NKAIN3: variants seen among roughly 807,000 people sequenced by gnomAD.
The protein encoded by NKAIN3 is sodium/potassium transporting ATPase interacting 3.
NKAIN3 carries 25 observed loss-of-function variants against 30.2 expected under a neutral mutation model. That is an observed-to-expected ratio of 0.83 (90% CI 0.60 to 1.16). The LOEUF is 1.16. Among genes scored for constraint, NKAIN3 ranks in the 50% most tolerant of loss-of-function variants. The pLI, the probability that NKAIN3 is intolerant of heterozygous loss-of-function variation, is 0.00. For synonymous variants in NKAIN3, 91 were observed against 89.6 expected, an observed-to-expected ratio of 1.02 and a Z score of -0.09; for missense variants, 225 against 254.1, an observed-to-expected ratio of 0.89 and a Z score of 0.78.
At chr8:62,548,564 A>G (rs1257021880) in intron 1 of NKAIN3, among the ~76,000 whole-genome samples, 1 of 152,144 alleles carries the variant, frequency 6.6e-6, no homozygotes, top group Non-Finnish European at 1.5e-5. Flanking sequence ...TGCTCAATGA[A>G]TGTTAGTGGA....
chr8:62,445,364 ACAT>A (rs1053222292), intron 1 of NKAIN3, among the ~76,000 whole-genome samples: 6 of 151,698 alleles, frequency 4.0e-5, no homozygotes, highest in Non-Finnish European at 5.9e-5. Context: ...GCCCATTTTA[ACAT>A]CAATTTTCTT....
At chr8:62,332,614 T>C (rs1815392819) in intron 1 of NKAIN3, among the ~76,000 whole-genome samples, 1 of 152,144 alleles carries the variant, frequency 6.6e-6, no homozygotes, top group Non-Finnish European at 1.5e-5. Context: ...GTTAGGTTGC[T>C]TAACTAACCC....
intron 1 of NKAIN3, among the ~76,000 whole-genome samples, chr8:62,396,054 G>A (rs1204948820): frequency 6.6e-6 from 1 of 152,124 alleles, no homozygotes; most frequent in Non-Finnish European, 1.5e-5. Flanking sequence ...TTTTAAAAAT[G>A]TACTACCACA....
chr8:62,659,841 G>T (rs1472182896), intron 3 of NKAIN3, among the ~76,000 whole-genome samples: 1 of 152,140 alleles, frequency 6.6e-6, no homozygotes. Flanking sequence ...TAAGTCTCAT[G>T]ACATCTGATG....
chr8:62,917,081 G>T (rs1355933986), intron 4 of NKAIN3, among the ~76,000 whole-genome samples: 1 of 151,964 alleles, frequency 6.6e-6, no homozygotes, highest in Non-Finnish European at 1.5e-5. Flanking sequence ...GAAGTCCTCT[G>T]GGATGGCTCC....
Position 62,973,279 on chromosome 8 carries a change from T to C in NKAIN3, c.*7872T>C, listed in dbSNP as rs1423511649. Among the ~76,000 whole-genome samples the C allele has an allele frequency of 6.6e-6, 1 of 152,236 alleles. No individual in the cohort carries two copies. The highest frequency in any genetic ancestry group is 1.5e-5 in the Non-Finnish European group (1 of 68,040). ...CCACAATGGTTGAAGTAAATTACAC[T>C]CCCACCAACAGTGTTAAAAGCATTC... On this transcript the variant is annotated 3_prime_UTR_variant, in exon 7 of 7. Transcript: ENST00000623646.
chr8:62,250,106 T>G lies in NKAIN3; in HGVS notation c.54+979T>G, dbSNP rs533931409. Among the ~76,000 whole-genome samples the G allele has an allele frequency of 5.9e-5, 9 of 152,346 alleles. No individual in the cohort carries two copies. The South Asian group carries it at 1.7e-3, about 28-fold the overall frequency. On this transcript the variant is annotated intron_variant, in intron 1 of 6. Transcript: ENST00000623646. ...TTCGAGTCACAAATATAAACTAGTA[T>G]ATTTTGACAAGTGAGAGGAAAAAGC...
intron 3 of NKAIN3, among the ~76,000 whole-genome samples, chr8:62,660,988 T>G (rs1812926877): frequency 6.6e-6 from 1 of 152,228 alleles, no homozygotes; most frequent in South Asian, 2.1e-4. Flanking sequence ...CACTGCAGAA[T>G]GGCAGGGGTT....
At chr8:62,900,583 A>T (rs1158496132) in intron 4 of NKAIN3, among the ~76,000 whole-genome samples, 1 of 152,196 alleles carries the variant, frequency 6.6e-6, no homozygotes, top group Non-Finnish European at 1.5e-5. Flanking sequence ...AAAATCAACA[A>T]TACAACTTAG....
rs528364329 is a variant in NKAIN3 at position 62,432,313 on chromosome 8, C to T, written c.55-147226C>T. 2.0e-5 allele frequency among the ~76,000 whole-genome samples: 3 copies of T among 152,070 alleles called. No individual in the cohort carries two copies. The East Asian group carries it at 5.8e-4, about 29-fold the overall frequency. ...CCTTTCCAGTGGAGAAGATCTTCTC[C>T]TAAGAACTCTTTTATAATTTGGAGG... On this transcript the variant is annotated intron_variant, in intron 1 of 6. Transcript: ENST00000623646.
chr8:62,375,626 C>T (rs1245343582), intron 1 of NKAIN3, among the ~76,000 whole-genome samples: 1 of 152,004 alleles, frequency 6.6e-6, no homozygotes, highest in East Asian at 1.9e-4. Flanking sequence ...CCTAAATTAC[C>T]AATCGGAGAG....
At chr8:62,550,986 T>A (rs1275757572) in intron 1 of NKAIN3, among the ~76,000 whole-genome samples, 1 of 152,164 alleles carries the variant, frequency 6.6e-6, no homozygotes, top group African/African-American at 2.4e-5. Flanking sequence ...AGTTTTTGTA[T>A]GGCTGAATTC....
At chr8:62,856,604 A>G in intron 4 of NKAIN3, 2 of 777,108 alleles carry the variant, frequency 2.6e-6, no homozygotes, top group Non-Finnish European at 4.7e-6. Context: ...TGATCTTGTT[A>G]TGACTCATCA....
intron 1 of NKAIN3, among the ~76,000 whole-genome samples, chr8:62,459,648 G>A (rs1366989349): frequency 1.3e-5 from 2 of 152,126 alleles, no homozygotes; most frequent in African/African-American, 4.8e-5. Flanking sequence ...ACTTTAGTAA[G>A]GTCAAGAAAA....
At chr8:62,600,189 C>G (rs773131603) in intron 3 of NKAIN3, among the ~76,000 whole-genome samples, 6 of 151,946 alleles carry the variant, frequency 3.9e-5, no homozygotes, top group Non-Finnish European at 8.8e-5. Flanking sequence ...TTGGTACTTA[C>G]ATATTAGTAG....
chr8:62,401,014 TCTCTCA>T (rs1381909819), intron 1 of NKAIN3, among the ~76,000 whole-genome samples: 3 of 54,852 alleles, frequency 5.5e-5, no homozygotes, highest in Non-Finnish European at 2.1e-4. Flanking sequence ...TTTCTACCTT[TCTCTCA>T]CTCTCTCTCT....
chr8:62,731,460 T>C lies in NKAIN3; in HGVS notation c.274-15472T>C, dbSNP rs115988263. On this transcript the variant is annotated intron_variant, in intron 3 of 6. Transcript: ENST00000623646. Reference sequence around the variant, plus strand: ...TTAACCCTCAATACAAGGAAAATGATTTTAAAATACCAAACTGATATAAAT... The same window carrying C: ...TTAACCCTCAATACAAGGAAAATGACTTTAAAATACCAAACTGATATAAAT... 5.3e-3 allele frequency among the ~76,000 whole-genome samples: 809 copies of C among 152,272 alleles called. 4 individuals carry two copies. The highest frequency in any genetic ancestry group is 0.018 in the African/African-American group (755 of 41,526).
At chr8:62,407,467 C>T (rs901098862) in intron 1 of NKAIN3, among the ~76,000 whole-genome samples, 12 of 131,222 alleles carry the variant, frequency 9.1e-5, no homozygotes, top group Admixed American at 2.7e-4. Flanking sequence ...GCATGATGTC[C>T]GCTCACTGCA....
intron 4 of NKAIN3, among the ~76,000 whole-genome samples, chr8:62,840,220 G>C (rs1685918603): frequency 6.6e-6 from 1 of 151,828 alleles, no homozygotes; most frequent in Non-Finnish European, 1.5e-5. Flanking sequence ...AATTCCACAT[G>C]AAAAATAGAC....
Sources: allele counts gnomAD v4.1 joint callset (sites outside exome capture counted in the v4.1 genomes callset), GRCh38; gene constraint gnomAD v4.1.1; transcripts MANE v1.5; gene names NCBI Gene and HGNC (gene_info 2026-07-23, HGNC 2026-07-21).